EFCAB5: variants seen among roughly 807,000 people sequenced by gnomAD.
The protein encoded by EFCAB5 is EF-hand calcium binding domain 5.
In EFCAB5, 131 loss-of-function variants were observed where a neutral mutation model predicts 167.9. That is an observed-to-expected ratio of 0.78 (90% CI 0.68 to 0.90). The LOEUF is 0.90. EFCAB5 is among the 40% of genes least tolerant of loss of function. EFCAB5 has a pLI of 0.00. For missense variants in EFCAB5, 1,663 were observed against 1,745.2 expected (o/e 0.95, Z 0.84); for synonymous variants, 574 against 602.8 (o/e 0.95, Z 0.70).
intron 7 of EFCAB5, among the ~76,000 whole-genome samples, chr17:30,024,305 CCTT>C (rs1266641511): frequency 1.3e-5 from 2 of 152,092 alleles, no homozygotes; most frequent in Non-Finnish European, 2.9e-5. Flanking sequence ...CCCAAAATCT[CCTT>C]AAGCTGATAA....
chr17:30,107,959 T>C lies in EFCAB5; in HGVS notation c.4447T>C (p.Leu1483=), dbSNP rs200473024. The C allele has an allele frequency of 1.2e-4, 193 of 1,611,614 alleles. 1 individual carries two copies. The East Asian group carries it at 2.6e-3, about 22-fold the overall frequency. ...ACTAAATAGTGGTATTACACCTCCG[T>C]TGCCCTCCAAGACTGACAATTATAT... ...KQLNSGITPP[L]PSKTDNYMYA... is the part of the protein sequence containing the mutation. The change falls in exon 23 of 23, where the codon TTG becomes CTG. Residue 1483 remains leucine (L), a synonymous_variant. Transcript: ENST00000394835.
chr17:29,974,833 T>C (rs569482758), intron 4 of EFCAB5, among the ~76,000 whole-genome samples: 1 of 152,138 alleles, frequency 6.6e-6, no homozygotes, highest in Non-Finnish European at 1.5e-5. Flanking sequence ...TATTAGTGGA[T>C]ACTGAAATTT....
intron 4 of EFCAB5, chr17:29,972,750 A>C (rs566926382): frequency 4.5e-6 from 1 of 223,426 alleles, no homozygotes; most frequent in East Asian, 1.1e-4. Flanking sequence ...GTCCTTGCTG[A>C]ACACTACCAG....
At chr17:30,106,466 T>C (rs1419358139) in intron 22 of EFCAB5, among the ~76,000 whole-genome samples, 2 of 152,048 alleles carry the variant, frequency 1.3e-5, no homozygotes, top group Non-Finnish European at 2.9e-5. Flanking sequence ...ATTATTATTA[T>C]TATTTTTTGA....
chr17:30,042,374 ATT>A (rs2069798329), intron 8 of EFCAB5, among the ~76,000 whole-genome samples: 1 of 152,116 alleles, frequency 6.6e-6, no homozygotes, highest in Non-Finnish European at 1.5e-5. Flanking sequence ...TTATTGCAAT[ATT>A]CATTTTATTG....
chr17:30,084,893 C>T (rs1318126225), intron 18 of EFCAB5, among the ~76,000 whole-genome samples: 1 of 152,112 alleles, frequency 6.6e-6, no homozygotes, highest in Non-Finnish European at 1.5e-5. Context: ...TGTGGGTTAG[C>T]TGTGTTTCTC....
At chr17:29,984,322 A>T (rs1202185704) in intron 4 of EFCAB5, among the ~76,000 whole-genome samples, 1 of 151,606 alleles carries the variant, frequency 6.6e-6, no homozygotes, top group East Asian at 1.9e-4. Context: ...GCAGAAGAAG[A>T]CAAGCAGACA....
chr17:30,023,899 T>A (rs2069247118), intron 7 of EFCAB5, among the ~76,000 whole-genome samples: 1 of 152,114 alleles, frequency 6.6e-6, no homozygotes, highest in Non-Finnish European at 1.5e-5. Flanking sequence ...ATAAATGTAA[T>A]CCAGCATATA....
intron 18 of EFCAB5, among the ~76,000 whole-genome samples, chr17:30,085,358 T>A (rs2071065887): frequency 6.6e-6 from 1 of 152,214 alleles, no homozygotes; most frequent in African/African-American, 2.4e-5. Context: ...AGTACCGAAC[T>A]TATTAAATAG....
chr17:29,931,717 G>A (rs2067198382), intron 1 of EFCAB5, among the ~76,000 whole-genome samples: 1 of 152,204 alleles, frequency 6.6e-6, no homozygotes, highest in Non-Finnish European at 1.5e-5. Context: ...TAGATACATA[G>A]CCAAAAAATA....
chr17:29,969,895 A>G (rs2151580440), intron 4 of EFCAB5, among the ~76,000 whole-genome samples: 1 of 152,286 alleles, frequency 6.6e-6, no homozygotes, highest in Middle Eastern at 3.4e-3. Flanking sequence ...ACACAAAAGC[A>G]TGTGATACAT....
chr17:30,098,604 T>C (rs2071337853), intron 22 of EFCAB5, among the ~76,000 whole-genome samples: 1 of 151,968 alleles, frequency 6.6e-6, no homozygotes, highest in Non-Finnish European at 1.5e-5. Flanking sequence ...GCTACAGGAC[T>C]GCTGCCACCA....
intron 9 of EFCAB5, among the ~76,000 whole-genome samples, chr17:30,052,655 G>C (rs1363305358): frequency 4.6e-5 from 7 of 152,082 alleles, no homozygotes; most frequent in Non-Finnish European, 8.8e-5. Context: ...AGACACCAGG[G>C]TTTTATTGTT....
At chr17:29,930,173 C>A (rs879942292) in intron 1 of EFCAB5, 28 of 602,300 alleles carry the variant, frequency 4.6e-5, no homozygotes, top group Non-Finnish European at 7.6e-5. Context: ...AGACTGTCGC[C>A]GACTGACGCT....
At chr17:29,932,645 T>TG (rs2151504301) in intron 1 of EFCAB5, among the ~76,000 whole-genome samples, 2 of 151,386 alleles carry the variant, frequency 1.3e-5, no homozygotes, top group South Asian at 2.1e-4. Flanking sequence ...TTAGTAGATA[T>TG]GGGGGTTTCA....
intron 20 of EFCAB5, among the ~76,000 whole-genome samples, chr17:30,090,913 T>A (rs984379569): frequency 6.6e-6 from 1 of 152,176 alleles, no homozygotes; most frequent in Non-Finnish European, 1.5e-5. Flanking sequence ...CTGGAAGGGC[T>A]CATAAAGGCA....
At chr17:30,017,009 T>C (rs545331349) in intron 7 of EFCAB5, among the ~76,000 whole-genome samples, 1 of 151,992 alleles carries the variant, frequency 6.6e-6, no homozygotes, top group South Asian at 2.1e-4. Flanking sequence ...AAGACCTGTC[T>C]CTACAAAAAA....
At chr17:29,957,153 T>TA (rs1330318880) in intron 3 of EFCAB5, among the ~76,000 whole-genome samples, 7 of 152,176 alleles carry the variant, frequency 4.6e-5, no homozygotes, top group African/African-American at 1.7e-4. Flanking sequence ...AGGGATTTTA[T>TA]TATGAAGAGC....
intron 14 of EFCAB5, among the ~76,000 whole-genome samples, chr17:30,069,967 G>A (rs564918250): frequency 6.6e-6 from 1 of 152,108 alleles, no homozygotes; most frequent in Non-Finnish European, 1.5e-5. Context: ...GCCTTGGCAG[G>A]GGGGGCTGCT....
Sources: gnomAD v4.1 joint callset for allele counts (sites outside exome capture counted in the v4.1 genomes callset) on GRCh38, gnomAD v4.1.1 for gene constraint, MANE v1.5 for transcripts, NCBI Gene and HGNC (gene_info 2026-07-23, HGNC 2026-07-21) for gene names.